PHF14: variants seen among roughly 807,000 people sequenced by gnomAD.
PHF14 encodes PHD finger protein 14.
Under a neutral mutation model 117.9 loss-of-function variants are expected in PHF14, and 55 were observed. The observed-to-expected ratio is 0.47, with a 90% confidence interval of 0.38 to 0.58. The LOEUF (loss-of-function observed/expected upper bound fraction) is 0.58. Among genes scored for constraint, PHF14 ranks in the 20% least tolerant of loss-of-function variants. PHF14 has a pLI of 0.00. For missense variants in PHF14, 978 were observed against 1,122.2 expected (o/e 0.87, Z 1.84); for synonymous variants, 409 against 368.6 (o/e 1.11, Z -1.26).
At chr7:11,079,343 A>G (rs1026825832) in intron 16 of PHF14, among the ~76,000 whole-genome samples, 1 of 152,146 alleles carries the variant, frequency 6.6e-6, no homozygotes, top group Non-Finnish European at 1.5e-5. Context: ...TTTCAGCCAG[A>G]TAACTGCTAA....
intron 4 of PHF14, among the ~76,000 whole-genome samples, chr7:11,000,806 T>TTTATTCTG (rs1385009449): frequency 6.6e-6 from 1 of 152,158 alleles, no homozygotes; most frequent in Non-Finnish European, 1.5e-5. Flanking sequence ...TCCCAGTCTG[T>TTTATTCTG]AGTTTGTCTT....
chr7:11,088,711 G>A (rs915771855), intron 16 of PHF14, among the ~76,000 whole-genome samples: 1 of 151,986 alleles, frequency 6.6e-6, no homozygotes, highest in Non-Finnish European at 1.5e-5. Context: ...TATAGCTATA[G>A]TTATAGTAGG....
At chr7:11,100,941 T>C (rs1488440502) in intron 16 of PHF14, among the ~76,000 whole-genome samples, 1 of 151,932 alleles carries the variant, frequency 6.6e-6, no homozygotes, top group African/African-American at 2.4e-5. Context: ...ATACAGAATA[T>C]ATTGATAGTT....
chr7:11,028,633 G>C, intron 6 of PHF14, 48 bp from the exon 7 acceptor site: 2 of 1,584,710 alleles, frequency 1.3e-6, no homozygotes, highest in African/African-American at 1.3e-5. Context: ...GCAGTCTTTA[G>C]TCTGGAAATA....
intron 2 of PHF14, among the ~76,000 whole-genome samples, chr7:10,979,373 C>G (rs1357925430): frequency 6.6e-6 from 1 of 151,866 alleles, no homozygotes; most frequent in East Asian, 1.9e-4. Context: ...TGGAGAGATT[C>G]TGATATATTG....
intron 17 of PHF14, among the ~76,000 whole-genome samples, chr7:11,152,919 T>A (rs1788741576): frequency 6.6e-6 from 1 of 152,104 alleles, no homozygotes; most frequent in South Asian, 2.1e-4. Flanking sequence ...GAGCAGCATG[T>A]TTGGAGCCAG....
chr7:11,078,399 T>C (rs759045303), intron 16 of PHF14, among the ~76,000 whole-genome samples: 1 of 152,090 alleles, frequency 6.6e-6, no homozygotes, highest in Non-Finnish European at 1.5e-5. Flanking sequence ...AGAGCTAAAA[T>C]TAAGAGGTTG....
At chr7:11,136,918 C>G (rs966638408) in intron 17 of PHF14, among the ~76,000 whole-genome samples, 7 of 152,044 alleles carry the variant, frequency 4.6e-5, no homozygotes, top group African/African-American at 1.7e-4. Context: ...TTATAGAAAA[C>G]TTGGAGAACA....
rs750860479 is a variant in PHF14 at position 10,985,636 on chromosome 7, C to CCGGTTTTTTTTT, written c.900+2477_900+2478insCGGTTTTTTTTT. 3.0e-4 allele frequency among the ~76,000 whole-genome samples: 27 copies of CCGGTTTTTTTTT among 90,860 alleles called. 1 individual carries two copies. The East Asian group carries it at 7.8e-3, about 26-fold the overall frequency. 59.6% of individuals were successfully genotyped at this position (90,860 alleles called of 152,430 possible). ...ATACTCTCTAGCAGTGATTCTCAAA[C>CCGGTTTTTTTTT]TGTTTTTTTTTTTTTTTTTTTTTTT... On this transcript the variant is annotated intron_variant, in intron 3 of 17. Transcript: ENST00000634607.
intron 13 of PHF14, among the ~76,000 whole-genome samples, chr7:11,047,870 AGAGGAAGGAAGG>A (rs1217990210): frequency 8.0e-6 from 1 of 124,224 alleles, no homozygotes; most frequent in Non-Finnish European, 1.7e-5. Context: ...CGGGAAAAAG[AGAGGAAGGAAGG>A]GAGGAAAGAA....
At chr7:11,055,926 T>C (rs1483337100) in intron 14 of PHF14, among the ~76,000 whole-genome samples, 1 of 152,192 alleles carries the variant, frequency 6.6e-6, no homozygotes, top group African/African-American at 2.4e-5. Flanking sequence ...ATTATGTTCA[T>C]ATTTATTTTA....
chr7:11,076,748 G>T (rs1383999778), intron 16 of PHF14, among the ~76,000 whole-genome samples: 1 of 151,026 alleles, frequency 6.6e-6, no homozygotes. Context: ...TTGTATTTTT[G>T]GTAGAGATGG....
chr7:11,104,170 C>A (rs952128605), intron 16 of PHF14: 2 of 983,880 alleles, frequency 2.0e-6, no homozygotes, highest in Non-Finnish European at 2.4e-6. Context: ...AATCAAAATC[C>A]TTTTCACTTT....
intron 13 of PHF14, among the ~76,000 whole-genome samples, chr7:11,050,219 C>G (rs935436050): frequency 1.3e-5 from 2 of 151,880 alleles, no homozygotes; most frequent in Non-Finnish European, 2.9e-5. Flanking sequence ...TTTGATGGAA[C>G]GAAATCAAAT....
At chr7:11,017,165 G>A (rs1783562580) in intron 5 of PHF14, among the ~76,000 whole-genome samples, 1 of 152,136 alleles carries the variant, frequency 6.6e-6, no homozygotes. Flanking sequence ...GGAAACTTAG[G>A]TTGCTTCCAA....
intron 17 of PHF14, among the ~76,000 whole-genome samples, chr7:11,117,163 T>C (rs897786245): frequency 6.6e-6 from 1 of 151,960 alleles, no homozygotes; most frequent in Non-Finnish European, 1.5e-5. Context: ...ATATCCATCA[T>C]GTACTTTATC....
chr7:11,103,261 C>G (rs1583467970), intron 16 of PHF14: 4 of 884,272 alleles, frequency 4.5e-6, no homozygotes, highest in Non-Finnish European at 4.1e-6. Context: ...GTGTTGATCT[C>G]TAGATATTTT....
At chr7:10,988,837 T>C (rs1180055793) in intron 3 of PHF14, among the ~76,000 whole-genome samples, 2 of 152,200 alleles carry the variant, frequency 1.3e-5, no homozygotes, top group Non-Finnish European at 2.9e-5. Flanking sequence ...AGATATTATT[T>C]TTATCGCCAT....
At chr7:11,143,817 T>G (rs996429129) in intron 17 of PHF14, among the ~76,000 whole-genome samples, 5 of 151,930 alleles carry the variant, frequency 3.3e-5, no homozygotes, top group Non-Finnish European at 5.9e-5. Flanking sequence ...ACATGAAAAC[T>G]GGAAGAAAAA....
Sources: gnomAD v4.1 joint callset for allele counts (sites outside exome capture counted in the v4.1 genomes callset) on GRCh38, gnomAD v4.1.1 for gene constraint, MANE v1.5 for transcripts, NCBI Gene and HGNC (gene_info 2026-07-23, HGNC 2026-07-21) for gene names.